TNNC2: variants seen among roughly 807,000 people sequenced by gnomAD.
The protein encoded by TNNC2 is troponin C, skeletal muscle.
TNNC2 carries 14 observed loss-of-function variants against 20.0 expected under a neutral mutation model. The observed-to-expected ratio is 0.70, with a 90% CI of 0.46 to 1.09. TNNC2 has a LOEUF of 1.09. Ranked by LOEUF, TNNC2 falls within the 50% of genes least tolerant of loss-of-function variation. TNNC2 has a pLI of 0.00. For synonymous variants in TNNC2, 81 were observed against 77.3 expected, an observed-to-expected ratio of 1.05 and a Z score of -0.25; for missense variants, 163 against 223.8, an observed-to-expected ratio of 0.73 and a Z score of 1.73.
intron 1 of TNNC2, 40 bp from the exon 2 acceptor site, chr20:45,824,874 C>T: frequency 6.2e-7 from 1 of 1,612,526 alleles, no homozygotes; most frequent in African/African-American, 1.3e-5. Flanking sequence ...GAAGAGGCAG[C>T]CCCAGAGCAG....
chr20:45,830,494 C>T (rs529413601), upstream of TNNC2, among the ~76,000 whole-genome samples: 7 of 152,228 alleles, frequency 4.6e-5, no homozygotes, highest in Admixed American at 1.3e-4. Context: ...ATCACTTCCT[C>T]GGGGATCCTT....
At chr20:45,832,223 T>C (rs138207749), upstream of TNNC2, among the ~76,000 whole-genome samples, 2,853 of 152,218 alleles carry the variant, frequency 0.019, 106 homozygotes, top group African/African-American at 0.065. Context: ...GGCAGGAGAA[T>C]TGCTTGAACC....
upstream of TNNC2, among the ~76,000 whole-genome samples, chr20:45,829,660 G>C (rs1391698161): frequency 6.6e-6 from 1 of 151,674 alleles, no homozygotes; most frequent in Non-Finnish European, 1.5e-5. Flanking sequence ...GGCGCCTGTA[G>C]TCCCAGCTAC....
intron 4 of TNNC2, 68 bp downstream of exon 4, chr20:45,824,224 G>C (rs1176596112): frequency 1.9e-6 from 3 of 1,600,062 alleles, no homozygotes; most frequent in African/African-American, 2.7e-5. Flanking sequence ...ACACGGGGAA[G>C]CTTCCAGCGC....
chr20:45,823,563 C>T lies in TNNC2; in HGVS notation c.452-184G>A, dbSNP rs1278373679. Among the ~76,000 whole-genome samples, 2 of 152,172 alleles carry T rather than the reference C, an allele frequency of 1.3e-5. No individual in the cohort carries two copies. Among genetic ancestry groups the T allele is most frequent in the African/African-American group, 4.8e-5 (2 of 41,444 alleles). Reference sequence around the variant, plus strand: ...AGAGTGCAGTGGCACAATCATAACTCATTGCAGCCTTGATCTCCTAGGCTC... The same window carrying T: ...AGAGTGCAGTGGCACAATCATAACTTATTGCAGCCTTGATCTCCTAGGCTC... On this transcript the variant is annotated intron_variant, in intron 5 of 5. Coordinates refer to ENST00000372555, the MANE Select transcript of TNNC2 (RefSeq NM_003279.3). This position sits in a 1 kb window ranked among gnomAD's most constrained non-coding sequence, Gnocchi z 4.6.
Position 45,824,046 on chromosome 20 carries a change from G to A in TNNC2, c.396C>T (p.Ile132=), listed in dbSNP as rs759558973. Residue 132 remains isoleucine, a synonymous_variant, in exon 5 of 6, where the codon ATC becomes ATT. Transcript: ENST00000372555. The stretch of plus-strand genomic sequence containing the variant: ...TGTCGCCGTCTTTCATCAGAGATTC[G>A]ATCTCCTCGTCCGTCACGTGCTCCC... ...ASGEHVTDEE[I]ESLMKDGDKN... is the part of the protein sequence containing the mutation. 1 of 1,614,056 alleles carries A rather than the reference G, an allele frequency of 6.2e-7. No individual in the cohort carries two copies. Among genetic ancestry groups the A allele is most frequent in the Non-Finnish European group, 8.5e-7 (1 of 1,179,988 alleles).
At chr20:45,829,605 C>T (rs1250289207), upstream of TNNC2, among the ~76,000 whole-genome samples, 2 of 151,594 alleles carry the variant, frequency 1.3e-5, no homozygotes, top group Non-Finnish European at 2.9e-5. Flanking sequence ...CAGTGAAACC[C>T]CATCTCTACT....
chr20:45,824,523 G>A lies in TNNC2; in HGVS notation c.171C>T (p.Asp57=), dbSNP rs779204356. The change falls in exon 3 of 6, where the codon GAC becomes GAT. Residue 57 remains aspartate, a synonymous_variant. Transcript: ENST00000372555. The stretch of plus-strand genomic sequence containing the variant: ...CCTCATCCACCTCCTCGATGATGGC[G>A]TCCAGCTCCTCCTTGGTGGGTGTCT... ...LGQTPTKEEL[D]AIIEEVDEDG... is the part of the protein sequence containing the mutation. The A allele has an allele frequency of 8.1e-6, 13 of 1,613,540 alleles. No individual in the cohort carries two copies. Among genetic ancestry groups the A allele is most frequent in the Admixed American group, 5.0e-5 (3 of 60,000 alleles).
chr20:45,827,369 C>T, upstream of TNNC2: 1 of 1,348,492 alleles, frequency 7.4e-7, no homozygotes. Flanking sequence ...TCCCACCTCC[C>T]TGCTCCCCAG....
upstream of TNNC2, among the ~76,000 whole-genome samples, chr20:45,827,920 G>T (rs1364014783): frequency 6.6e-6 from 1 of 152,192 alleles, no homozygotes; most frequent in Non-Finnish European, 1.5e-5. Context: ...GAAAGTGACA[G>T]GTAGGCCACT....
rs1378248796 is a variant in TNNC2, at chr20:45,823,939, G to A, written c.451+52C>T. 3.7e-6 allele frequency: 6 copies of A among 1,609,862 alleles called. No homozygotes were observed. The highest frequency in any genetic ancestry group is 4.2e-6 in the Non-Finnish European group (5 of 1,177,408). On this transcript the variant is annotated intron_variant, in intron 5 of 5. Transcript: ENST00000372555. The surrounding 1 kb of genome is among the most constrained non-coding windows in gnomAD (Gnocchi z 4.6). Reference sequence around the variant, plus strand: ...GCACCGGAGCCAGGCACCAGTGCCCGCCGTCCTCTGGGGCTCCCACCCGCT... The same window carrying A: ...GCACCGGAGCCAGGCACCAGTGCCCACCGTCCTCTGGGGCTCCCACCCGCT...
intron 1 of TNNC2, among the ~76,000 whole-genome samples, chr20:45,825,943 G>T (rs1982957368): frequency 6.6e-6 from 1 of 152,146 alleles, no homozygotes; most frequent in Admixed American, 6.5e-5. Context: ...TTGAGCAAAA[G>T]AGAGGAGACA....
chr20:45,828,423 A>C (rs1033587929), upstream of TNNC2, among the ~76,000 whole-genome samples: 1 of 152,158 alleles, frequency 6.6e-6, no homozygotes, highest in Admixed American at 6.6e-5. Flanking sequence ...GGAAAAATGT[A>C]TGGAGGGATG....
chr20:45,823,227 G>T lies in TNNC2; in HGVS notation c.*121C>A. On this transcript the variant is annotated 3_prime_UTR_variant, in exon 6 of 6. Coordinates refer to ENST00000372555, the MANE Select transcript of TNNC2 (RefSeq NM_003279.3). This position sits in a 1 kb window ranked among gnomAD's most constrained non-coding sequence, Gnocchi z 4.6. ...TCAGGCCACGAGTTTTGGAACATTTGCTTTTATTCCTTCCAGACAAAGACC... is the reference window on the plus strand; with the variant it reads ...TCAGGCCACGAGTTTTGGAACATTTTCTTTTATTCCTTCCAGACAAAGACC... 2 of 965,442 alleles carry T rather than the reference G, an allele frequency of 2.1e-6. No individual in the cohort carries two copies. Among genetic ancestry groups the T allele is most frequent in the Non-Finnish European group, 2.9e-6 (2 of 687,418 alleles). The allele number at this position is 965,442 out of a possible 1,614,324, so 59.8% of individuals were successfully genotyped here.
At chr20:45,824,981 C>T (rs1982930398) in intron 1 of TNNC2, 147 bp from the exon 2 acceptor site, 2 of 852,198 alleles carry the variant, frequency 2.3e-6, no homozygotes, top group Admixed American at 2.0e-5. Context: ...ATTGTGTGCC[C>T]GCACAGCACC....
Position 45,823,284 on chromosome 20 carries a change from C to G in TNNC2, c.*64G>C. The G allele has an allele frequency of 6.8e-7, 1 of 1,468,332 alleles. No individual in the cohort carries two copies. 91.0% of individuals were successfully genotyped at this position (1,468,332 alleles called of 1,614,324 possible). On this transcript the variant is annotated 3_prime_UTR_variant, in exon 6 of 6. Coordinates refer to ENST00000372555, the MANE Select transcript of TNNC2 (RefSeq NM_003279.3). This position sits in a 1 kb window ranked among gnomAD's most constrained non-coding sequence, Gnocchi z 4.6. Reference sequence around the variant, plus strand: ...GGGTCGCGCCTCCCTGGTGGGGACCCGGCAGGGCGGAGTCTCCCACACCCT... The same window carrying G: ...GGGTCGCGCCTCCCTGGTGGGGACCGGGCAGGGCGGAGTCTCCCACACCCT...
Position 45,823,383 on chromosome 20 carries a change from A to T in TNNC2, c.452-4T>A. 1 of 1,592,250 alleles carries T rather than the reference A, an allele frequency of 6.3e-7. No homozygotes were observed. The highest frequency in any genetic ancestry group is 8.5e-7 in the Non-Finnish European group (1 of 1,169,802). On this transcript the variant is annotated splice_region_variant and splice_polypyrimidine_tract_variant and intron_variant, in intron 5 of 5. Transcript: ENST00000372555. This position sits in a 1 kb window ranked among gnomAD's most constrained non-coding sequence, Gnocchi z 4.6. The stretch of plus-strand genomic sequence containing the variant: ...CCCTCCATCATCTTCAGGAACTCTG[A>T]GGGAAAGGAGAGGGAGAGGGTCAGG...
At chr20:45,829,508 G>A (rs991627316), upstream of TNNC2, among the ~76,000 whole-genome samples, 10 of 151,720 alleles carry the variant, frequency 6.6e-5, no homozygotes, top group Admixed American at 3.9e-4. Context: ...GACCGGGCAC[G>A]GTGGCTCAGG....
At chr20:45,828,727 C>G (rs1200903749), upstream of TNNC2, among the ~76,000 whole-genome samples, 1 of 152,074 alleles carries the variant, frequency 6.6e-6, no homozygotes, top group Admixed American at 6.6e-5. Flanking sequence ...GGCTTGTAGA[C>G]AGTGGCTACG....
Sources: gnomAD v4.1 joint callset for allele counts (sites outside exome capture counted in the v4.1 genomes callset) on GRCh38, gnomAD v4.1.1 for gene constraint, Gnocchi (gnomAD v3.1) non-coding constraint, MANE v1.5 for transcripts, NCBI Gene and HGNC (gene_info 2026-07-23, HGNC 2026-07-21) for gene names.